The following WWTR1 variants were observed in gnomAD, a reference collection of about 807,000 sequenced individuals.
WWTR1 encodes the protein WW domain containing transcription regulator 1.
A neutral mutation model predicts 40.1 loss-of-function variants in WWTR1; 13 were observed. The observed-to-expected ratio is 0.32, with a 90% confidence interval of 0.21 to 0.52. WWTR1 has a LOEUF of 0.52. WWTR1 is among the 20% of genes least tolerant of loss of function. WWTR1 has a pLI of 0.97. For missense variants in WWTR1, 436 were observed against 523.1 expected (o/e 0.83, Z 1.63); for synonymous variants, 230 against 210.1 (o/e 1.09, Z -0.82).
chr3:149,592,580 A>G (rs991614912), intron 2 of WWTR1, among the ~76,000 whole-genome samples: 2 of 152,230 alleles, frequency 1.3e-5, no homozygotes, highest in Non-Finnish European at 1.5e-5. Context: ...GGCATATATC[A>G]GAATATATAT....
chr3:149,611,260 A>T (rs1185482412), intron 2 of WWTR1, among the ~76,000 whole-genome samples: 1 of 152,212 alleles, frequency 6.6e-6, no homozygotes, highest in South Asian at 2.1e-4. Context: ...CTGCGTAGCA[A>T]GACAATGACC....
intron 5 of WWTR1, among the ~76,000 whole-genome samples, chr3:149,710,970 C>T (rs1715465587): frequency 6.6e-6 from 1 of 152,042 alleles, no homozygotes; most frequent in Admixed American, 6.6e-5. Flanking sequence ...GTAGAGCCAG[C>T]ATATAAAGCC....
At chr3:149,676,596 G>T (rs1714268069) in intron 1 of WWTR1, among the ~76,000 whole-genome samples, 1 of 152,136 alleles carries the variant, frequency 6.6e-6, no homozygotes, top group Non-Finnish European at 1.5e-5. Flanking sequence ...AACCCTGCCT[G>T]GCAGATATTG....
At chr3:149,660,372 G>C (rs181066709), upstream of WWTR1, 4 of 152,352 alleles carry the variant, frequency 2.6e-5, no homozygotes, top group African/African-American at 9.6e-5. Context: ...GTTGGAACTG[G>C]ATGGGCAAGG....
At chr3:149,592,499 C>T (rs111959894) in intron 2 of WWTR1, among the ~76,000 whole-genome samples, 24 of 152,124 alleles carry the variant, frequency 1.6e-4, no homozygotes, top group South Asian at 1.5e-3. Flanking sequence ...TGCTATGAAG[C>T]CCTGATGCCA....
intron 2 of WWTR1, among the ~76,000 whole-genome samples, chr3:149,634,185 C>T (rs2108113439): frequency 6.6e-6 from 1 of 152,270 alleles, no homozygotes; most frequent in Non-Finnish European, 1.5e-5. Context: ...GCTCTGGGCC[C>T]AGACTGCCCA....
intron 2 of WWTR1, among the ~76,000 whole-genome samples, chr3:149,664,897 C>A (rs1305727830): frequency 6.6e-6 from 1 of 151,910 alleles, no homozygotes; most frequent in Admixed American, 6.6e-5. Flanking sequence ...CCAGAAGGCA[C>A]TATCTTTTGT....
upstream of WWTR1, among the ~76,000 whole-genome samples, chr3:149,707,730 CACCCTTTCAGGAGGCAA>C (rs1189477161): frequency 2.0e-5 from 3 of 152,154 alleles, no homozygotes; most frequent in Non-Finnish European, 4.4e-5. Flanking sequence ...CAGCTCCAGT[CACCCTTTCAGGAGGCAA>C]ACTGACTGCC....
chr3:149,532,750 C>T (rs2107919170), intron 4 of WWTR1, among the ~76,000 whole-genome samples: 1 of 152,298 alleles, frequency 6.6e-6, no homozygotes, highest in African/African-American at 2.4e-5. Context: ...AGCCCAGACC[C>T]AGTAGGATTT....
intron 2 of WWTR1, among the ~76,000 whole-genome samples, chr3:149,641,063 G>A (rs577877985): frequency 6.6e-6 from 1 of 152,062 alleles, no homozygotes; most frequent in Non-Finnish European, 1.5e-5. Flanking sequence ...TAAGGCATTC[G>A]ATATTATTTA....
At chr3:149,524,002 T>C (rs2107900470) in intron 6 of WWTR1, among the ~76,000 whole-genome samples, 1 of 152,354 alleles carries the variant, frequency 6.6e-6, no homozygotes, top group South Asian at 2.1e-4. Flanking sequence ...AAGTCCATTG[T>C]ATGTATGACA....
intron 4 of WWTR1, among the ~76,000 whole-genome samples, chr3:149,723,903 C>T (rs1715815839): frequency 6.6e-6 from 1 of 152,164 alleles, no homozygotes; most frequent in Non-Finnish European, 1.5e-5. Context: ...ACCCTAGCTC[C>T]CACAGGCTGT....
At chr3:149,599,524 G>A in intron 2 of WWTR1, among the ~76,000 whole-genome samples, 1 of 152,242 alleles carries the variant, frequency 6.6e-6, no homozygotes, top group East Asian at 1.9e-4. Flanking sequence ...AAGAAACAGT[G>A]TATAGCTGTT....
At chr3:149,529,895 T>G (rs1735487171) in intron 4 of WWTR1, among the ~76,000 whole-genome samples, 1 of 152,216 alleles carries the variant, frequency 6.6e-6, no homozygotes. Context: ...CTCATAACCC[T>G]CATTATCCAA....
At chr3:149,521,042 G>A (rs1177943165) in intron 6 of WWTR1, 53 bp from the exon 7 acceptor site, 2 of 1,518,216 alleles carry the variant, frequency 1.3e-6, no homozygotes, top group African/African-American at 1.4e-5. Flanking sequence ...GGCTCTTGAA[G>A]GAGGAACAGT....
chr3:149,572,168 G>A (rs917403670), intron 3 of WWTR1, among the ~76,000 whole-genome samples: 4 of 152,062 alleles, frequency 2.6e-5, no homozygotes, highest in Non-Finnish European at 5.9e-5. Flanking sequence ...CAAGACTTTC[G>A]GAAAGTTTCT....
rs1015004624 is a variant in WWTR1, at chr3:149,520,771, G to A, written c.*34C>T. 6.7e-7 allele frequency: 1 copy of A among 1,497,628 alleles called. No homozygotes were observed. Among genetic ancestry groups the A allele is most frequent in the South Asian group, 1.4e-5 (1 of 69,910 alleles). 92.8% of individuals were successfully genotyped at this position (1,497,628 alleles called of 1,614,324 possible). A position where few individuals can be genotyped will look rare whatever the true frequency, so the allele number is the denominator to read the frequency against. On this transcript the variant is annotated 3_prime_UTR_variant, in exon 7 of 7. Transcript: ENST00000360632. The stretch of plus-strand genomic sequence containing the variant: ...TTTCCAAGAGGCCCAGGAAATGTAA[G>A]GTCATGGCTACATCCAAGTTACAAT...
intron 1 of WWTR1, among the ~76,000 whole-genome samples, chr3:149,700,845 A>G (rs1018146458): frequency 6.6e-6 from 1 of 152,204 alleles, no homozygotes; most frequent in African/African-American, 2.4e-5. Context: ...CGTGCCCAAT[A>G]CACACTGGGC....
rs1734999777 is a variant in WWTR1 at position 149,520,693 on chromosome 3, A to G, written c.*112T>C. 1 of 999,464 alleles carries G rather than the reference A, an allele frequency of 1.0e-6. No individual in the cohort carries two copies. Among genetic ancestry groups the G allele is most frequent in the East Asian group, 2.9e-5 (1 of 34,746 alleles). The allele number at this position is 999,464 out of a possible 1,614,324, so 61.9% of individuals were successfully genotyped here. On this transcript the variant is annotated 3_prime_UTR_variant, in exon 7 of 7. Coordinates refer to ENST00000360632, the MANE Select transcript of WWTR1 (RefSeq NM_015472.6). ...GGCAACATAAAAAGGAGGGAGCACG[A>G]GTCATGGAGGCGGGAAGTGGTGCAC...
Sources: gnomAD v4.1 joint callset for allele counts (sites outside exome capture counted in the v4.1 genomes callset) on GRCh38, gnomAD v4.1.1 for gene constraint, MANE v1.5 for transcripts, NCBI Gene and HGNC (gene_info 2026-07-23, HGNC 2026-07-21) for gene names.